DCAF1: variants seen among roughly 807,000 people sequenced by gnomAD.
The protein encoded by DCAF1 is DDB1- and CUL4-associated factor 1.
Under a neutral mutation model 128.0 loss-of-function variants are expected in DCAF1, and 15 were observed. The ratio of observed to expected loss-of-function variants is 0.12; its 90% CI spans 0.08 to 0.18. The LOEUF (loss-of-function observed/expected upper bound fraction) is 0.18. DCAF1 is among the 10% of genes least tolerant of loss of function. The probability of loss-of-function intolerance (pLI) is 1.00; values close to 1 mark genes in which losing one functional copy is unlikely to be tolerated. For synonymous variants in DCAF1, 610 were observed against 603.0 expected (o/e 1.01, Z -0.17); for missense variants, 988 against 1,649.5 (o/e 0.60, Z 6.95).
intron 6 of DCAF1, among the ~76,000 whole-genome samples, chr3:51,452,171 T>A (rs1216942856): frequency 6.6e-6 from 1 of 151,816 alleles, no homozygotes; most frequent in African/African-American, 2.4e-5. Flanking sequence ...CACCTCAGAC[T>A]CCCAAGCAGC....
At chr3:51,413,197 T>C in intron 21 of DCAF1, 85 bp downstream of exon 21, 1 of 1,545,540 alleles carries the variant, frequency 6.5e-7, no homozygotes, top group South Asian at 1.2e-5. Flanking sequence ...CAATAAAAAA[T>C]TACAGGCCTC....
At chr3:51,492,545 T>C (rs1707773786) in intron 2 of DCAF1, among the ~76,000 whole-genome samples, 1 of 151,998 alleles carries the variant, frequency 6.6e-6, no homozygotes, top group Non-Finnish European at 1.5e-5. Flanking sequence ...AAGAAACGCA[T>C]GAAAGATACT....
At chr3:51,437,369 G>A in intron 9 of DCAF1, 1 of 368,586 alleles carries the variant, frequency 2.7e-6, no homozygotes, top group Non-Finnish European at 5.2e-6. Flanking sequence ...ACATGGGAGG[G>A]CAAGTAAGAT....
At position 51,471,523 on chromosome 3, in the gene DCAF1, A is replaced by G. The variant is rs1553648428; in HGVS notation, c.111-518T>C. ...ATATAAACTTTCCCTTCTTCAAAAA[A>G]TAACATTACCTTCACCTCAGAAACC... On this transcript the variant is annotated intron_variant, in intron 3 of 24. Coordinates refer to ENST00000684031, the MANE Select transcript of DCAF1 (RefSeq NM_001387579.1). 3.9e-5 allele frequency among the ~76,000 whole-genome samples: 6 copies of G among 152,126 alleles called. 1 individual carries two copies. In the South Asian group the frequency reaches 6.2e-4, roughly 16 times the overall value.
intron 9 of DCAF1, chr3:51,437,266 CAAAAAA>C (rs71633071): frequency 1.9e-3 from 474 of 255,698 alleles, no homozygotes; most frequent in Middle Eastern, 3.6e-3. Flanking sequence ...GACTCCATGT[CAAAAAA>C]AAAAAAAAAA....
At chr3:51,424,873 G>A (rs188511317) in intron 13 of DCAF1, among the ~76,000 whole-genome samples, 107 of 152,242 alleles carry the variant, frequency 7.0e-4, no homozygotes, top group Non-Finnish European at 1.4e-3. Flanking sequence ...CAGAAGATGG[G>A]TGACTCTGGG....
At chr3:51,415,713 G>A (rs1242400925) in intron 18 of DCAF1, among the ~76,000 whole-genome samples, 3 of 152,002 alleles carry the variant, frequency 2.0e-5, no homozygotes, top group Non-Finnish European at 4.4e-5. Context: ...TCAGCTTCCT[G>A]AGTAGCTGGG....
At chr3:51,469,989 G>A (rs1199654587) in intron 4 of DCAF1, among the ~76,000 whole-genome samples, 2 of 152,088 alleles carry the variant, frequency 1.3e-5, no homozygotes, top group East Asian at 3.9e-4. Flanking sequence ...CCACTGCACT[G>A]CCGGCTGGGC....
chr3:51,459,276 C>G (rs1319768930), intron 6 of DCAF1, among the ~76,000 whole-genome samples: 1 of 152,164 alleles, frequency 6.6e-6, no homozygotes, highest in East Asian at 1.9e-4. Flanking sequence ...ATACTATAAA[C>G]ACCTCTACAC....
At chr3:51,462,745 CA>C (rs10715121) in intron 6 of DCAF1, among the ~76,000 whole-genome samples, 29,732 of 79,290 alleles carry the variant, frequency 0.37, 3,293 homozygotes, top group East Asian at 0.55. Flanking sequence ...GACACCATCT[CA>C]AAAAAAAAAA....
At chr3:51,434,868 G>A (rs910764786) in intron 9 of DCAF1, among the ~76,000 whole-genome samples, 2 of 152,154 alleles carry the variant, frequency 1.3e-5, no homozygotes, top group African/African-American at 2.4e-5. Context: ...CAGGCTGCTT[G>A]ATGACTCTGA....
At position 51,473,753 on chromosome 3, in the gene DCAF1, G is replaced by A. The variant is rs531935775; in HGVS notation, c.111-2748C>T. Among the ~76,000 whole-genome samples the A allele has an allele frequency of 2.6e-5, 4 of 151,488 alleles. No individual in the cohort carries two copies. The East Asian group carries it at 7.8e-4, about 30-fold the overall frequency. On this transcript the variant is annotated intron_variant, in intron 3 of 24. Transcript: ENST00000684031. The stretch of plus-strand genomic sequence containing the variant: ...GAACTCCTGGGCTCAAGCCCACCCT[G>A]GCCTACCAAAGTCCTGGGATTACAG...
chr3:51,492,032 G>C (rs1393006536), intron 2 of DCAF1, among the ~76,000 whole-genome samples: 1 of 150,098 alleles, frequency 6.7e-6, no homozygotes, highest in Admixed American at 6.7e-5. Flanking sequence ...GGCACACACT[G>C]GTAGTCCCAG....
At chr3:51,502,558 A>G (rs1708844725), upstream of DCAF1, among the ~76,000 whole-genome samples, 1 of 151,938 alleles carries the variant, frequency 6.6e-6, no homozygotes, top group Admixed American at 6.6e-5. Context: ...CTCTGTCTCA[A>G]AAAAAAATTT....
At chr3:51,412,210 T>C (rs1334442143) in intron 23 of DCAF1, among the ~76,000 whole-genome samples, 169 bp downstream of exon 23, 7 of 150,494 alleles carry the variant, frequency 4.7e-5, no homozygotes, top group South Asian at 2.1e-4. Flanking sequence ...TAAAATCTTA[T>C]AATAAAATTT....
chr3:51,456,500 A>G (rs1226578511), intron 6 of DCAF1, among the ~76,000 whole-genome samples: 1 of 152,212 alleles, frequency 6.6e-6, no homozygotes, highest in African/African-American at 2.4e-5. Context: ...GGCACAGACA[A>G]ACAAAAAGAC....
In DCAF1 at chr3:51,420,732, C is replaced by G; in HGVS notation, c.2238G>C (p.Met746Ile). ...GGATTTGGTCTGCATCTGTGATGGG[C>G]ATCTTAATGGACAGTAAGGACAGGA... ...KVLLSLLSIK[M>I]PITDADQIRA... is the part of the protein sequence containing the mutation. Residue 746 changes from methionine to isoleucine, a missense_variant, in exon 15 of 25, where the codon ATG (methionine) becomes ATC (isoleucine). By Grantham distance (10) the Met-to-Ile change is conservative. This residue lies in a region of DCAF1 where 76 missense variants were observed against 186.9 expected (regional missense o/e 0.41). Transcript: ENST00000684031. The surrounding 1 kb of genome is among the most constrained non-coding windows in gnomAD (Gnocchi z 6.5). 1 of 1,614,016 alleles carries G rather than the reference C, an allele frequency of 6.2e-7. No individual in the cohort carries two copies. Among genetic ancestry groups the G allele is most frequent in the Non-Finnish European group, 8.5e-7 (1 of 1,179,900 alleles).
chr3:51,424,187 G>GTCAGGAGT (rs1699695730), intron 13 of DCAF1, among the ~76,000 whole-genome samples: 1 of 152,056 alleles, frequency 6.6e-6, no homozygotes, highest in African/African-American at 2.4e-5. Context: ...GGATCACGAG[G>GTCAGGAGT]TCAGGAGTTC....
intron 10 of DCAF1, 64 bp from the exon 11 acceptor site, chr3:51,430,276 T>C (rs539675391): frequency 1.4e-4 from 99 of 718,694 alleles, no homozygotes; most frequent in South Asian, 7.4e-4. Flanking sequence ...TTGAACAGGA[T>C]GGAAAATTTG....
Sources: allele counts gnomAD v4.1 joint callset (sites outside exome capture counted in the v4.1 genomes callset), GRCh38; gene constraint gnomAD v4.1.1; regional missense constraint gnomAD v4.1.1; non-coding constraint Gnocchi (gnomAD v3.1); transcripts MANE v1.5; gene names NCBI Gene and HGNC (gene_info 2026-07-23, HGNC 2026-07-21).